Variants in LSM14A observed in about 807,000 individuals in gnomAD.
LSM14A encodes protein LSM14 homolog A.
Under a neutral mutation model 52.4 loss-of-function variants are expected in LSM14A, and 14 were observed. The observed-to-expected ratio is 0.27, with a 90% CI of 0.18 to 0.42. LSM14A has a LOEUF of 0.42. LSM14A is among the 10% of genes least tolerant of loss of function. LSM14A has a pLI of 1.00. For missense variants in LSM14A, 417 were observed against 581.8 expected (o/e 0.72, Z 2.91); for synonymous variants, 185 against 200.3 (o/e 0.92, Z 0.64).
intron 1 of LSM14A, among the ~76,000 whole-genome samples, chr19:34,174,669 A>G (rs536165877): frequency 2.0e-5 from 3 of 152,312 alleles, no homozygotes; most frequent in South Asian, 4.1e-4. Context: ...TTTTTATACA[A>G]TAGTTACTTA....
chr19:34,201,451 T>C (rs2071282160), intron 3 of LSM14A, among the ~76,000 whole-genome samples: 1 of 152,204 alleles, frequency 6.6e-6, no homozygotes, highest in Non-Finnish European at 1.5e-5. Flanking sequence ...CAAGCGAGTC[T>C]CCTGCCTCAG....
In LSM14A at chr19:34,227,770, G is replaced by A. The variant is rs781359087; in HGVS notation, c.*382G>A. ...TGCCTGCAGATAGGGCCGTGATACT[G>A]TGTTTTGAGCCACAGAAGGTTGTGT... On this transcript the variant is annotated 3_prime_UTR_variant, in exon 10 of 10. Transcript: ENST00000544216. 6.4e-5 allele frequency: 12 copies of A among 187,496 alleles called. No homozygotes were observed. The highest frequency in any genetic ancestry group is 1.1e-4 in the Non-Finnish European group (10 of 93,308). The allele number at this position is 187,496 out of a possible 1,614,324, so 11.6% of individuals were successfully genotyped here. A position where few individuals can be genotyped will look rare whatever the true frequency, so the allele number is the denominator to read the frequency against.
chr19:34,222,602 G>C (rs2073124577), intron 9 of LSM14A, among the ~76,000 whole-genome samples: 1 of 152,204 alleles, frequency 6.6e-6, no homozygotes, highest in Non-Finnish European at 1.5e-5. Flanking sequence ...CTGTTAGCAG[G>C]AGTTCCATTG....
At chr19:34,182,261 C>G (rs564930948) in intron 1 of LSM14A, among the ~76,000 whole-genome samples, 2 of 152,114 alleles carry the variant, frequency 1.3e-5, no homozygotes, top group African/African-American at 4.8e-5. Flanking sequence ...CTTAGTGAAC[C>G]TATGTTTTCT....
chr19:34,203,157 G>C (rs1258840276), intron 3 of LSM14A, among the ~76,000 whole-genome samples: 2 of 147,650 alleles, frequency 1.4e-5, no homozygotes, highest in African/African-American at 4.9e-5. Context: ...AACAGTGAAA[G>C]GTATAGATTG....
At chr19:34,202,653 G>T (rs528111577) in intron 3 of LSM14A, among the ~76,000 whole-genome samples, 1 of 152,150 alleles carries the variant, frequency 6.6e-6, no homozygotes, top group Admixed American at 6.5e-5. Context: ...ACATTGAGAA[G>T]AATAATATAC....
chr19:34,174,399 T>C (rs1425853001), intron 1 of LSM14A, among the ~76,000 whole-genome samples: 1 of 152,250 alleles, frequency 6.6e-6, no homozygotes, highest in Non-Finnish European at 1.5e-5. Flanking sequence ...GATCATTGAA[T>C]TATACACTTT....
intron 1 of LSM14A, among the ~76,000 whole-genome samples, chr19:34,183,504 T>G (rs1178417815): frequency 6.6e-6 from 1 of 151,986 alleles, no homozygotes; most frequent in Non-Finnish European, 1.5e-5. Context: ...TGAGCTGAGA[T>G]CGTGCTATTG....
intron 1 of LSM14A, among the ~76,000 whole-genome samples, chr19:34,188,728 CT>C (rs1444298259): frequency 1.3e-5 from 2 of 152,204 alleles, no homozygotes; most frequent in East Asian, 3.9e-4. Flanking sequence ...TGTCTAGCTT[CT>C]TTTACTCAGC....
At chr19:34,218,085 C>G (rs1474756367) in intron 6 of LSM14A, among the ~76,000 whole-genome samples, 2 of 150,364 alleles carry the variant, frequency 1.3e-5, no homozygotes, top group South Asian at 2.1e-4. Flanking sequence ...CTCACTGCAG[C>G]CTTTGCCTCC....
rs2145465023 is a variant in LSM14A, at chr19:34,176,630, ATAT to A, written c.121+3869_121+3871del. The stretch of plus-strand genomic sequence containing the variant: ...TATTTTTAGCTTTTATTGTTTCATA[ATAT>A]TCCATCATGAATATAACACAAGTTT... On this transcript the variant is annotated intron_variant, in intron 1 of 9. Transcript: ENST00000544216. Among the ~76,000 whole-genome samples, 3 of 152,312 alleles carry A rather than the reference ATAT, an allele frequency of 2.0e-5. No homozygotes were observed. The South Asian group carries it at 6.2e-4, about 32-fold the overall frequency.
At chr19:34,213,580 T>G (rs1464804866) in intron 4 of LSM14A, among the ~76,000 whole-genome samples, 1 of 151,896 alleles carries the variant, frequency 6.6e-6, no homozygotes, top group Non-Finnish European at 1.5e-5. Flanking sequence ...GAAATGAGCA[T>G]TTTTTTTAAG....
intron 3 of LSM14A, among the ~76,000 whole-genome samples, chr19:34,207,041 C>T (rs942133120): frequency 2.0e-5 from 3 of 152,160 alleles, no homozygotes; most frequent in African/African-American, 7.2e-5. Context: ...ATTGTTTTAA[C>T]AAGAGGTGTT....
chr19:34,175,405 A>AT (rs573843765), intron 1 of LSM14A, among the ~76,000 whole-genome samples: 2 of 151,648 alleles, frequency 1.3e-5, no homozygotes. Flanking sequence ...TAATTTTTGT[A>AT]TTTTTTAGTT....
At chr19:34,204,357 A>G (rs1568488187) in intron 3 of LSM14A, among the ~76,000 whole-genome samples, 1 of 152,234 alleles carries the variant, frequency 6.6e-6, no homozygotes, top group Non-Finnish European at 1.5e-5. Flanking sequence ...TTTGGTATCA[A>G]GTAAACTTGT....
chr19:34,198,020 T>TA (rs143552235), intron 3 of LSM14A, among the ~76,000 whole-genome samples: 16,031 of 149,404 alleles, frequency 0.11, 1,497 homozygotes, highest in African/African-American at 0.24. Flanking sequence ...GAACAGCTTT[T>TA]AAAAAAAAAT....
chr19:34,221,834 A>G, intron 9 of LSM14A, 96 bp downstream of exon 9: 1 of 1,473,236 alleles, frequency 6.8e-7, no homozygotes. Context: ...AATTGTTTTG[A>G]GGACATTAGA....
At chr19:34,190,287 A>G (rs764071366) in intron 1 of LSM14A, among the ~76,000 whole-genome samples, 33 of 152,148 alleles carry the variant, frequency 2.2e-4, no homozygotes, top group Non-Finnish European at 4.4e-4. Flanking sequence ...TTATTAAGCC[A>G]GCCTCCATCA....
chr19:34,198,075 A>C (rs78909481), intron 3 of LSM14A, among the ~76,000 whole-genome samples: 17 of 151,894 alleles, frequency 1.1e-4, no homozygotes, highest in Admixed American at 1.0e-3. Flanking sequence ...AAAAAAAAAA[A>C]CAGCTTTAAA....
Sources: gnomAD v4.1 joint callset for allele counts (sites outside exome capture counted in the v4.1 genomes callset) on GRCh38, gnomAD v4.1.1 for gene constraint, MANE v1.5 for transcripts, NCBI Gene and HGNC (gene_info 2026-07-23, HGNC 2026-07-21) for gene names.